The following OXCT1 variants were observed in gnomAD, a reference collection of about 807,000 sequenced individuals.
OXCT1 encodes succinyl-CoA:3-ketoacid coenzyme A transferase 1, mitochondrial.
OXCT1 carries 27 observed loss-of-function variants against 69.6 expected under a neutral mutation model. That is an observed-to-expected ratio of 0.39 (90% CI 0.29 to 0.54). The LOEUF (loss-of-function observed/expected upper bound fraction) is 0.54. OXCT1 is among the 20% of genes least tolerant of loss of function. The probability of loss-of-function intolerance (pLI) is 0.72; values close to 1 mark genes in which losing one functional copy is unlikely to be tolerated. For synonymous variants in OXCT1, 202 were observed against 217.8 expected, an observed-to-expected ratio of 0.93 and a Z score of 0.64; for missense variants, 437 against 650.2, an observed-to-expected ratio of 0.67 and a Z score of 3.57.
intron 7 of OXCT1, among the ~76,000 whole-genome samples, 192 bp downstream of exon 7, chr5:41,840,259 C>A (rs765857710): frequency 2.0e-5 from 3 of 152,032 alleles, no homozygotes; most frequent in Non-Finnish European, 2.9e-5. Context: ...GAGACCCTAT[C>A]TAACCAGAAA....
intron 11 of OXCT1, among the ~76,000 whole-genome samples, chr5:41,795,521 A>G (rs1469284410): frequency 6.6e-6 from 1 of 152,200 alleles, no homozygotes; most frequent in East Asian, 1.9e-4. Flanking sequence ...AGACAGAGAG[A>G]CTGTGGAATC....
intron 7 of OXCT1, 94 bp downstream of exon 7, chr5:41,840,357 C>T: frequency 1.1e-6 from 1 of 919,890 alleles, no homozygotes; most frequent in Non-Finnish European, 1.8e-6. Flanking sequence ...TCATTGTTAT[C>T]CATAAAACAA....
At chr5:41,777,952 G>C (rs980643525) in intron 13 of OXCT1, among the ~76,000 whole-genome samples, 2 of 152,122 alleles carry the variant, frequency 1.3e-5, no homozygotes, top group African/African-American at 4.8e-5. Flanking sequence ...TAATATTTGT[G>C]GATTAATTTT....
At chr5:41,841,599 G>T (rs1254785906) in intron 6 of OXCT1, among the ~76,000 whole-genome samples, 1 of 152,186 alleles carries the variant, frequency 6.6e-6, no homozygotes, top group Non-Finnish European at 1.5e-5. Flanking sequence ...AATAGCCCTT[G>T]TGCAGCCTTC....
intron 15 of OXCT1, among the ~76,000 whole-genome samples, chr5:41,744,137 G>C (rs1016972560): frequency 3.6e-4 from 55 of 152,204 alleles, no homozygotes; most frequent in Non-Finnish European, 5.9e-4. Context: ...CCATTTGTTT[G>C]TATCCTCTTC....
intron 14 of OXCT1, among the ~76,000 whole-genome samples, chr5:41,752,623 C>T (rs1743849558): frequency 1.3e-5 from 2 of 151,976 alleles, no homozygotes; most frequent in Admixed American, 1.3e-4. Flanking sequence ...TGTGTCTGTG[C>T]GTGCCTGTAG....
At chr5:41,794,187 C>G in intron 12 of OXCT1, 109 bp from the exon 13 acceptor site, 1 of 785,996 alleles carries the variant, frequency 1.3e-6, no homozygotes, top group South Asian at 1.4e-5. Flanking sequence ...TACTTGCTTC[C>G]CCCACCACAC....
intron 7 of OXCT1, among the ~76,000 whole-genome samples, chr5:41,838,259 C>G (rs1748464608): frequency 6.6e-6 from 1 of 152,182 alleles, no homozygotes; most frequent in South Asian, 2.1e-4. Flanking sequence ...AAAGCCAAAA[C>G]AGAGTTTCAC....
At chr5:41,775,659 G>A (rs565197939) in intron 13 of OXCT1, among the ~76,000 whole-genome samples, 2 of 152,178 alleles carry the variant, frequency 1.3e-5, no homozygotes, top group Non-Finnish European at 2.9e-5. Context: ...TGTGTGTGGG[G>A]CTGAACTTTC....
chr5:41,825,512 C>G (rs1302752822), intron 7 of OXCT1, among the ~76,000 whole-genome samples: 1 of 152,128 alleles, frequency 6.6e-6, no homozygotes, highest in South Asian at 2.1e-4. Flanking sequence ...TTCAATAAGG[C>G]AAAGCTATCA....
chr5:41,797,695 C>T (rs948660624), intron 11 of OXCT1, among the ~76,000 whole-genome samples: 1 of 152,118 alleles, frequency 6.6e-6, no homozygotes, highest in Admixed American at 6.6e-5. Flanking sequence ...CCTTAAACAG[C>T]GTTATAAACC....
At chr5:41,805,721 A>G (rs1489132378) in intron 8 of OXCT1, 40 bp from the exon 9 acceptor site, 1 of 1,319,724 alleles carries the variant, frequency 7.6e-7, no homozygotes, top group South Asian at 1.2e-5. Context: ...TGGTTGAGGT[A>G]TGCTTTGTAT....
chr5:41,815,484 C>T (rs1211931000), intron 7 of OXCT1, among the ~76,000 whole-genome samples: 1 of 152,116 alleles, frequency 6.6e-6, no homozygotes, highest in Non-Finnish European at 1.5e-5. Flanking sequence ...CAGCTGCTAA[C>T]ATTTTTTGTT....
chr5:41,853,873 C>T (rs1053113888), intron 3 of OXCT1, among the ~76,000 whole-genome samples: 3 of 152,092 alleles, frequency 2.0e-5, no homozygotes, highest in Non-Finnish European at 4.4e-5. Context: ...TTACCCCGCA[C>T]CTTTTGTTAT....
chr5:41,735,942 G>A (rs1193841038), intron 16 of OXCT1, among the ~76,000 whole-genome samples: 2 of 152,180 alleles, frequency 1.3e-5, no homozygotes, highest in African/African-American at 2.4e-5. Flanking sequence ...GGGAGGCCTG[G>A]GTTTCTCTGG....
At chr5:41,733,299 T>C (rs1742728059) in intron 16 of OXCT1, among the ~76,000 whole-genome samples, 1 of 148,132 alleles carries the variant, frequency 6.8e-6, no homozygotes, top group Non-Finnish European at 1.5e-5. Context: ...CAGGCTGGAG[T>C]GCAATGGCGC....
At chr5:41,804,591 T>C (rs1431298012) in intron 9 of OXCT1, among the ~76,000 whole-genome samples, 1 of 152,138 alleles carries the variant, frequency 6.6e-6, no homozygotes, top group African/African-American at 2.4e-5. Flanking sequence ...CTCAACTTGG[T>C]TGACACCACA....
At chr5:41,806,492 T>G (rs764510841) in intron 8 of OXCT1, among the ~76,000 whole-genome samples, 1 of 152,052 alleles carries the variant, frequency 6.6e-6, no homozygotes, top group Non-Finnish European at 1.5e-5. Flanking sequence ...TGCGGCCTAG[T>G]GGGAAGTGTT....
intron 3 of OXCT1, among the ~76,000 whole-genome samples, chr5:41,858,765 C>A (rs1749574338): frequency 6.6e-6 from 1 of 152,104 alleles, no homozygotes; most frequent in Non-Finnish European, 1.5e-5. Flanking sequence ...GGATCACTTA[C>A]CAAGTTGTAT....
Sources: allele counts gnomAD v4.1 joint callset (sites outside exome capture counted in the v4.1 genomes callset), GRCh38; gene constraint gnomAD v4.1.1; transcripts MANE v1.5; gene names NCBI Gene and HGNC (gene_info 2026-07-23, HGNC 2026-07-21).